The following ZCWPW2 variants were observed in gnomAD, a reference collection of about 807,000 sequenced individuals.
ZCWPW2 encodes the protein zinc finger CW-type PWWP domain protein 2.
Under a neutral mutation model 46.6 loss-of-function variants are expected in ZCWPW2, and 45 were observed. The observed-to-expected ratio is 0.96, with a 90% CI of 0.76 to 1.24. The LOEUF (loss-of-function observed/expected upper bound fraction) is 1.24. Ranked by LOEUF, ZCWPW2 falls within the 50% of genes most tolerant of loss-of-function variation. The pLI is 0.00. For synonymous variants in ZCWPW2, 152 were observed against 137.1 expected, an observed-to-expected ratio of 1.11 and a Z score of -0.76; for missense variants, 429 against 403.9, an observed-to-expected ratio of 1.06 and a Z score of -0.53.
intron 6 of ZCWPW2, among the ~76,000 whole-genome samples, chr3:28,494,701 CCTT>C (rs1699927835): frequency 7.1e-6 from 1 of 140,064 alleles, no homozygotes. Context: ...CCCAAAATCT[CCTT>C]AAGCTGATAA....
At chr3:28,468,447 T>C (rs920812034) in intron 4 of ZCWPW2, among the ~76,000 whole-genome samples, 1 of 152,132 alleles carries the variant, frequency 6.6e-6, no homozygotes, top group Non-Finnish European at 1.5e-5. Flanking sequence ...AAGATATCAG[T>C]ATCCAAGTAT....
chr3:28,475,116 T>A (rs1219348722), intron 4 of ZCWPW2, among the ~76,000 whole-genome samples: 1 of 152,074 alleles, frequency 6.6e-6, no homozygotes, highest in Non-Finnish European at 1.5e-5. Flanking sequence ...AGTGCTAGGA[T>A]TACAGGCATG....
chr3:28,449,481 T>C (rs1698140981), intron 4 of ZCWPW2, among the ~76,000 whole-genome samples: 1 of 152,104 alleles, frequency 6.6e-6, no homozygotes, highest in Non-Finnish European at 1.5e-5. Context: ...TAGTCAAAAT[T>C]ATGGAGACAA....
At chr3:28,384,531 CT>C (rs1695203376) in intron 1 of ZCWPW2, among the ~76,000 whole-genome samples, 1 of 151,394 alleles carries the variant, frequency 6.6e-6, no homozygotes, top group Admixed American at 6.6e-5. Flanking sequence ...TTTCAATTTA[CT>C]TTATGGTTTT....
chr3:28,367,123 G>T (rs538324179), intron 1 of ZCWPW2, among the ~76,000 whole-genome samples: 105 of 152,182 alleles, frequency 6.9e-4, no homozygotes, highest in African/African-American at 2.3e-3. Flanking sequence ...TTTTTGAAGG[G>T]TTTTTTGTGT....
At chr3:28,447,742 A>G (rs1698051566) in intron 4 of ZCWPW2, 1 of 640,496 alleles carries the variant, frequency 1.6e-6, no homozygotes, top group South Asian at 1.4e-5. Flanking sequence ...AGCATTTGAC[A>G]TACCATCGTA....
chr3:28,465,783 C>T (rs1698798633), intron 4 of ZCWPW2, among the ~76,000 whole-genome samples: 2 of 151,978 alleles, frequency 1.3e-5, no homozygotes, highest in South Asian at 4.1e-4. Context: ...GTAAACAAAA[C>T]TATTATAAAC....
chr3:28,364,317 A>G lies in ZCWPW2; in HGVS notation c.-134+15114A>G, dbSNP rs537091518. Among the ~76,000 whole-genome samples the G allele has an allele frequency of 2.1e-5, 3 of 143,132 alleles. No homozygotes were observed. The South Asian group carries it at 6.4e-4, about 31-fold the overall frequency. The allele number at this position is 143,132 out of a possible 152,430, so 93.9% of individuals were successfully genotyped here. A position where few individuals can be genotyped will look rare whatever the true frequency, so the allele number is the denominator to read the frequency against. The stretch of plus-strand genomic sequence containing the variant: ...AAAAGACATAGACATATATAAAAAC[A>G]TTCTTTTTTTTTTTACATCACATTT... On this transcript the variant is annotated intron_variant, in intron 1 of 9. Transcript: ENST00000383768.
chr3:28,382,561 G>A (rs2125711569), intron 1 of ZCWPW2, among the ~76,000 whole-genome samples: 1 of 152,194 alleles, frequency 6.6e-6, no homozygotes, highest in South Asian at 2.1e-4. Flanking sequence ...TGATAATAGT[G>A]GTTTTCTTGC....
intron 3 of ZCWPW2, 97 bp downstream of exon 3, chr3:28,413,497 T>G: frequency 9.2e-7 from 1 of 1,081,888 alleles, no homozygotes; most frequent in Admixed American, 2.6e-5. Flanking sequence ...TTCTTTTGTC[T>G]ACTTGTTTCT....
intron 6 of ZCWPW2, among the ~76,000 whole-genome samples, chr3:28,505,601 A>G (rs1402599482): frequency 6.6e-6 from 1 of 152,158 alleles, no homozygotes; most frequent in Non-Finnish European, 1.5e-5. Context: ...TTGCAGTGCT[A>G]CATGTAACTA....
At chr3:28,467,307 T>G (rs1465010270) in intron 4 of ZCWPW2, among the ~76,000 whole-genome samples, 1 of 149,788 alleles carries the variant, frequency 6.7e-6, no homozygotes, top group Non-Finnish European at 1.5e-5. Flanking sequence ...GAGGAGAATA[T>G]TTGTAGTACA....
At chr3:28,378,525 AT>A (rs1705570956) in intron 1 of ZCWPW2, among the ~76,000 whole-genome samples, 2 of 152,112 alleles carry the variant, frequency 1.3e-5, no homozygotes, top group African/African-American at 4.8e-5. Context: ...CGAATTAACT[AT>A]TATTACCATC....
chr3:28,410,333 A>G (rs1235478993), intron 2 of ZCWPW2, among the ~76,000 whole-genome samples: 6 of 152,048 alleles, frequency 3.9e-5, no homozygotes, highest in Admixed American at 3.9e-4. Flanking sequence ...TAACCCCACA[A>G]TCATAAAATT....
intron 2 of ZCWPW2, among the ~76,000 whole-genome samples, chr3:28,412,616 T>C (rs1193129695): frequency 6.6e-6 from 1 of 151,986 alleles, no homozygotes; most frequent in Non-Finnish European, 1.5e-5. Context: ...GTTTTGTCTG[T>C]AAAAATGAGC....
rs1697816073 is a variant in ZCWPW2 at position 28,442,725 on chromosome 3, T to C, written c.492+7456T>C. Among the ~76,000 whole-genome samples the C allele has an allele frequency of 2.6e-5, 4 of 151,986 alleles. No individual in the cohort carries two copies. In the South Asian group the frequency reaches 8.3e-4, roughly 32 times the overall value. ...ACCACATCTGGTATAGCAGCTGCAATTGGAATCACCACTTGGTTACACTTA... is the reference window on the plus strand; with the variant it reads ...ACCACATCTGGTATAGCAGCTGCAACTGGAATCACCACTTGGTTACACTTA... On this transcript the variant is annotated intron_variant, in intron 4 of 9. Coordinates refer to ENST00000383768, the MANE Select transcript of ZCWPW2 (RefSeq NM_001040432.4).
intron 1 of ZCWPW2, among the ~76,000 whole-genome samples, chr3:28,386,395 T>A (rs576276685): frequency 1.3e-5 from 2 of 152,254 alleles, no homozygotes; most frequent in East Asian, 3.9e-4. Context: ...CTAAGAAAAT[T>A]AATAAGTTGT....
chr3:28,407,169 G>A (rs1213159862), intron 2 of ZCWPW2, among the ~76,000 whole-genome samples: 2 of 152,152 alleles, frequency 1.3e-5, no homozygotes, highest in African/African-American at 4.8e-5. Context: ...CCTTGGTAAA[G>A]TGAACTACTT....
intron 1 of ZCWPW2, among the ~76,000 whole-genome samples, chr3:28,352,538 G>A (rs559378260): frequency 4.1e-4 from 62 of 152,272 alleles, no homozygotes; most frequent in African/African-American, 1.4e-3. Context: ...TGATGAATGA[G>A]TAGTTAACTC....
Sources: allele counts gnomAD v4.1 joint callset (sites outside exome capture counted in the v4.1 genomes callset), GRCh38; gene constraint gnomAD v4.1.1; transcripts MANE v1.5; gene names NCBI Gene and HGNC (gene_info 2026-07-23, HGNC 2026-07-21).